The following PDE1A variants were observed in gnomAD, a reference collection of about 807,000 sequenced individuals.
PDE1A encodes the protein dual specificity calcium/calmodulin-dependent 3',5'-cyclic nucleotide phosphodiesterase 1A.
In PDE1A, 35 loss-of-function variants were observed where a neutral mutation model predicts 61.7. That is an observed-to-expected ratio of 0.57 (90% CI 0.43 to 0.75). PDE1A has a LOEUF of 0.75. Among genes scored for constraint, PDE1A ranks in the 30% least tolerant of loss-of-function variants. PDE1A has a pLI of 0.00. For synonymous variants in PDE1A, 232 were observed against 213.2 expected (o/e 1.09, Z -0.77); for missense variants, 597 against 630.6 (o/e 0.95, Z 0.57).
the PDE1A span, among the ~76,000 whole-genome samples, chr2:182,690,888 GACAA>G: frequency 6.6e-6 from 1 of 152,088 alleles, no homozygotes; most frequent in South Asian, 2.1e-4. Flanking sequence ...ACCAATAACA[GACAA>G]ACAGAGAGCC....
chr2:182,182,486 C>A (rs1248899351), intron 13 of PDE1A, among the ~76,000 whole-genome samples: 2 of 152,180 alleles, frequency 1.3e-5, no homozygotes, highest in African/African-American at 4.8e-5. Flanking sequence ...AGCCTTCCTT[C>A]TGATCTCCTT....
intron 2 of PDE1A, among the ~76,000 whole-genome samples, chr2:182,256,842 A>G (rs1342309445): frequency 1.3e-5 from 2 of 152,240 alleles, no homozygotes; most frequent in East Asian, 3.8e-4. Flanking sequence ...CCTCAAGTAT[A>G]TGTCCAAATC....
At chr2:182,671,290 G>A in the PDE1A span, among the ~76,000 whole-genome samples, 4 of 88,354 alleles carry the variant, frequency 4.5e-5, no homozygotes, top group Non-Finnish European at 1.1e-4. Context: ...TCCTGCCTCA[G>A]CCTCCCGAGT....
In PDE1A at chr2:182,457,811, A is replaced by C. The variant is rs1574706958; in HGVS notation, c.101+64465T>G. On this transcript the variant is annotated intron_variant, in intron 2 of 14. Coordinates refer to the PDE1A transcript ENST00000410103. ...CTCCACATACAATAACTGGATAAAT[A>C]ACAGCTATGGTAAAGGGGAGAAATT... Among the ~76,000 whole-genome samples, 3 of 152,232 alleles carry C rather than the reference A, an allele frequency of 2.0e-5. No homozygotes were observed. The East Asian group carries it at 5.8e-4, about 29-fold the overall frequency.
the PDE1A span, among the ~76,000 whole-genome samples, chr2:182,628,111 T>C: frequency 6.6e-6 from 1 of 152,096 alleles, no homozygotes; most frequent in African/African-American, 2.4e-5. Flanking sequence ...GGAACCCTAG[T>C]GACCTAGAAG....
intron 2 of PDE1A, among the ~76,000 whole-genome samples, chr2:182,470,633 TC>T (rs1232814374): frequency 6.6e-6 from 1 of 151,830 alleles, no homozygotes; most frequent in Non-Finnish European, 1.5e-5. Context: ...TGTCTTGCAA[TC>T]CAGGATTTAT....
At chr2:182,687,957 G>A in the PDE1A span, among the ~76,000 whole-genome samples, 7 of 152,150 alleles carry the variant, frequency 4.6e-5, no homozygotes, top group Admixed American at 3.9e-4. Flanking sequence ...ATGAAATGAA[G>A]TGAGAAGAGA....
upstream of PDE1A, among the ~76,000 whole-genome samples, chr2:182,523,370 TGA>T (rs1292825298): frequency 2.6e-5 from 4 of 151,756 alleles, no homozygotes; most frequent in Admixed American, 1.3e-4. Flanking sequence ...AGAAGAGAAA[TGA>T]GAGAGAGTGG....
intron 2 of PDE1A, among the ~76,000 whole-genome samples, chr2:182,441,912 A>C (rs1339915701): frequency 6.6e-6 from 1 of 152,112 alleles, no homozygotes; most frequent in African/African-American, 2.4e-5. Flanking sequence ...TCTGATAAAA[A>C]ATAAATGAAT....
At chr2:182,522,118 G>A (rs1047667111) in intron 2 of PDE1A, among the ~76,000 whole-genome samples, 3 of 152,056 alleles carry the variant, frequency 2.0e-5, no homozygotes, top group South Asian at 2.1e-4. Context: ...AAAATCATTC[G>A]TCTTTCAACA....
intron 1 of PDE1A, among the ~76,000 whole-genome samples, chr2:182,334,554 G>A (rs903943204): frequency 6.6e-6 from 1 of 152,054 alleles, no homozygotes; most frequent in Non-Finnish European, 1.5e-5. Flanking sequence ...ATGCAGAAAA[G>A]GCCTTCAATA....
At chr2:182,577,539 A>T in the PDE1A span, among the ~76,000 whole-genome samples, 1 of 152,224 alleles carries the variant, frequency 6.6e-6, no homozygotes, top group Non-Finnish European at 1.5e-5. Flanking sequence ...ACAGAATGTC[A>T]CTGTTTAGAA....
intron 2 of PDE1A, among the ~76,000 whole-genome samples, chr2:182,438,356 T>C (rs1339750426): frequency 1.3e-5 from 2 of 152,026 alleles, no homozygotes; most frequent in African/African-American, 4.8e-5. Context: ...AGAAGTCCTA[T>C]GTTGGTCTCC....
At chr2:182,468,129 C>G (rs559013915) in intron 2 of PDE1A, among the ~76,000 whole-genome samples, 2 of 151,954 alleles carry the variant, frequency 1.3e-5, no homozygotes, top group Non-Finnish European at 2.9e-5. Context: ...GTGGTTGTGG[C>G]AATTTCATAA....
At chr2:182,474,590 C>T (rs193186396) in intron 2 of PDE1A, among the ~76,000 whole-genome samples, 156 of 151,954 alleles carry the variant, frequency 1.0e-3, no homozygotes, top group Middle Eastern at 0.01. Context: ...GAGAATTAAA[C>T]GAGATTATTA....
At chr2:182,187,863 G>A (rs1685355302) in intron 11 of PDE1A, among the ~76,000 whole-genome samples, 1 of 149,692 alleles carries the variant, frequency 6.7e-6, no homozygotes, top group Non-Finnish European at 1.5e-5. Flanking sequence ...TCATGCCTCG[G>A]CCTCCCGAGT....
rs1356225666 is a variant in PDE1A, at chr2:182,326,579, T to C, written c.54-62165A>G. Among the ~76,000 whole-genome samples the C allele has an allele frequency of 5.3e-5, 8 of 152,188 alleles. No homozygotes were observed. The South Asian group carries it at 8.3e-4, about 16-fold the overall frequency. ...TTCTCAGAGAATGGTGAATTATTGT[T>C]AAATGGATACAGAGTTTCAGTTTGG... On this transcript the variant is annotated intron_variant, in intron 1 of 13. Coordinates refer to ENST00000351439, the Ensembl canonical transcript of PDE1A.
intron 1 of PDE1A, among the ~76,000 whole-genome samples, chr2:182,281,172 T>C (rs1574240412): frequency 6.6e-6 from 1 of 151,930 alleles, no homozygotes. Flanking sequence ...GCATGAGTCA[T>C]TTTCATTTTT....
chr2:182,674,941 T>C, the PDE1A span, among the ~76,000 whole-genome samples: 1 of 152,224 alleles, frequency 6.6e-6, no homozygotes, highest in Non-Finnish European at 1.5e-5. Context: ...AAAATTTTGA[T>C]GTTTTTATTT....
Sources: gnomAD v4.1 joint callset for allele counts (sites outside exome capture counted in the v4.1 genomes callset) on GRCh38, gnomAD v4.1.1 for gene constraint, MANE v1.5 for transcripts, NCBI Gene and HGNC (gene_info 2026-07-23, HGNC 2026-07-21) for gene names.